Variants in BRIP1 observed in about 807,000 individuals in gnomAD.
BRIP1 encodes the protein Fanconi anemia group J protein.
BRIP1 carries 88 observed loss-of-function variants against 119.7 expected under a neutral mutation model. That is an observed-to-expected ratio of 0.74 (90% CI 0.62 to 0.88). The LOEUF is 0.88. Among genes scored for constraint, BRIP1 ranks in the 40% least tolerant of loss-of-function variants. BRIP1 has a pLI of 0.00. For missense variants in BRIP1, 1,259 were observed against 1,455.4 expected (o/e 0.87, Z 2.20); for synonymous variants, 443 against 496.5 (o/e 0.89, Z 1.43).
Position 61,701,422 on chromosome 17 carries a change from G to C in BRIP1, c.2493-7910C>G, listed in dbSNP as rs2061611826. Among the ~76,000 whole-genome samples the C allele has an allele frequency of 6.6e-6, 1 of 152,284 alleles. No individual in the cohort carries two copies. Among genetic ancestry groups the C allele is most frequent in the Middle Eastern group, 3.4e-3 (1 of 294 alleles). On this transcript the variant is annotated intron_variant, in intron 17 of 19. Transcript: ENST00000259008. The surrounding 1 kb of genome is among the most constrained non-coding windows in gnomAD (Gnocchi z 5.1). ...AGACAGAGATTTCCTTAAATGTCTA[G>C]AACCATCATGTCTCCCATTCTTTGC... is the stretch of plus-strand genomic sequence containing the variant.
chr17:61,858,583 G>A (rs1226332171), intron 3 of BRIP1, among the ~76,000 whole-genome samples: 1 of 152,086 alleles, frequency 6.6e-6, no homozygotes, highest in Admixed American at 6.5e-5. Context: ...ACGTTGGTCT[G>A]GCTGGTCTCA....
At chr17:61,812,995 C>CT (rs752528514) in intron 6 of BRIP1, among the ~76,000 whole-genome samples, 4 of 151,976 alleles carry the variant, frequency 2.6e-5, no homozygotes, top group Non-Finnish European at 4.4e-5. Context: ...AATACTATGC[C>CT]TAAATACCTG....
At chr17:61,838,590 T>G (rs1031586537) in intron 6 of BRIP1, among the ~76,000 whole-genome samples, 47 of 135,698 alleles carry the variant, frequency 3.5e-4, no homozygotes, top group Non-Finnish European at 3.1e-4. Flanking sequence ...AATAAATAAA[T>G]AAAGCATCAT....
In BRIP1 at chr17:61,684,216, A is replaced by G. The variant is rs573932475; in HGVS notation, c.2906-76T>C. On this transcript the variant is annotated intron_variant, in intron 19 of 19. Transcript: ENST00000259008. The surrounding 1 kb of genome is among the most constrained non-coding windows in gnomAD (Gnocchi z 4.5). ...AATTGCTAGGTTAAAATAATTATTT[A>G]TTAGAAATACCTAAATAACTGTATA... The G allele has an allele frequency of 6.7e-7, 1 of 1,491,730 alleles. No individual in the cohort carries two copies. Among genetic ancestry groups the G allele is most frequent in the Non-Finnish European group, 9.2e-7 (1 of 1,089,708 alleles). The allele number at this position is 1,491,730 out of a possible 1,614,324, so 92.4% of individuals were successfully genotyped here.
rs1456381042 is a variant in BRIP1 at position 61,862,400 on chromosome 17, G to T, written c.-30-831C>A. On this transcript the variant is annotated intron_variant, in intron 1 of 19. Transcript: ENST00000259008. This position sits in a 1 kb window ranked among gnomAD's most constrained non-coding sequence, Gnocchi z 5.3. Reference sequence around the variant, plus strand: ...CTCAGAGCTTGTTTCTCCATATATGGAATTGAAATACTACTACTTACCTGA... The same window carrying T: ...CTCAGAGCTTGTTTCTCCATATATGTAATTGAAATACTACTACTTACCTGA... 6.6e-6 allele frequency among the ~76,000 whole-genome samples: 1 copy of T among 152,116 alleles called. No homozygotes were observed. Among genetic ancestry groups the T allele is most frequent in the African/African-American group, 2.4e-5 (1 of 41,426 alleles).
chr17:61,732,685 A>G (rs560785428), intron 16 of BRIP1, among the ~76,000 whole-genome samples: 37 of 152,134 alleles, frequency 2.4e-4, no homozygotes, highest in African/African-American at 8.4e-4. Flanking sequence ...AAAACATTCA[A>G]TATCATTAAC....
At chr17:61,783,998 C>T (rs2077662820) in intron 11 of BRIP1, 2 of 306,642 alleles carry the variant, frequency 6.5e-6, no homozygotes, top group Non-Finnish European at 1.2e-5. Context: ...GGGAGGATTG[C>T]TTAAGCCCAG....
At chr17:61,787,427 T>TATAA (rs1567820367) in intron 10 of BRIP1, among the ~76,000 whole-genome samples, 6 of 131,678 alleles carry the variant, frequency 4.6e-5, no homozygotes, top group African/African-American at 1.7e-4. Flanking sequence ...ATAAAATATA[T>TATAA]AATATATATA....
At position 61,857,516 on chromosome 17, in the gene BRIP1, G is replaced by A. The variant is rs1221815452; in HGVS notation, c.206-285C>T. 2.0e-5 allele frequency among the ~76,000 whole-genome samples: 3 copies of A among 152,094 alleles called. No individual in the cohort carries two copies. Among genetic ancestry groups the A allele is most frequent in the Non-Finnish European group, 4.4e-5 (3 of 68,014 alleles). On this transcript the variant is annotated intron_variant, in intron 3 of 19. Coordinates refer to ENST00000259008, the MANE Select transcript of BRIP1 (RefSeq NM_032043.3). The surrounding 1 kb of genome is among the most constrained non-coding windows in gnomAD (Gnocchi z 5.1). ...AGGCAGGCACATCAATTGAAGTCAG[G>A]AGTTTGAGACCAGCCTGGCCAATAT...
chr17:61,686,317 G>A lies in BRIP1; in HGVS notation c.2576-152C>T. 1 of 719,570 alleles carries A rather than the reference G, an allele frequency of 1.4e-6. No homozygotes were observed. 44.6% of individuals were successfully genotyped at this position (719,570 alleles called of 1,614,324 possible). A position where few individuals can be genotyped will look rare whatever the true frequency, so the allele number is the denominator to read the frequency against. On this transcript the variant is annotated intron_variant, in intron 18 of 19. Coordinates refer to ENST00000259008, the MANE Select transcript of BRIP1 (RefSeq NM_032043.3). The surrounding 1 kb of genome is among the most constrained non-coding windows in gnomAD (Gnocchi z 5.4). The stretch of plus-strand genomic sequence containing the variant: ...CTCCATATGTTTTTTCTGCAATTCA[G>A]CAATTTTACTACATATGTATCAGTA...
rs183677242 is a variant in BRIP1, at chr17:61,760,387, A to T, written c.2098-15796T>A. On this transcript the variant is annotated intron_variant, in intron 14 of 19. Coordinates refer to ENST00000259008, the MANE Select transcript of BRIP1 (RefSeq NM_032043.3). The surrounding 1 kb of genome is among the most constrained non-coding windows in gnomAD (Gnocchi z 4.6). ...ATAACATTACTCCTCAAGGATCTAG[A>T]AAAAGAAGAACTAAGCCCAAAATTA... Among the ~76,000 whole-genome samples, 404 of 152,078 alleles carry T rather than the reference A, an allele frequency of 2.7e-3. 1 individual carries two copies. Among genetic ancestry groups the T allele is most frequent in the Admixed American group, 4.9e-3 (75 of 15,270 alleles).
chr17:61,850,868 A>T (rs1187548639), intron 4 of BRIP1, among the ~76,000 whole-genome samples: 1 of 152,048 alleles, frequency 6.6e-6, no homozygotes, highest in Non-Finnish European at 1.5e-5. Context: ...AAACTCAGAA[A>T]TGAACCTATG....
chr17:61,792,940 T>G (rs1380774475), intron 10 of BRIP1, among the ~76,000 whole-genome samples: 1 of 152,160 alleles, frequency 6.6e-6, no homozygotes, highest in Non-Finnish European at 1.5e-5. Flanking sequence ...TGTGTATAGG[T>G]GTGTAGCTGG....
At chr17:61,819,167 C>A in intron 6 of BRIP1, among the ~76,000 whole-genome samples, 1 of 127,456 alleles carries the variant, frequency 7.8e-6, no homozygotes, top group Admixed American at 8.2e-5. Flanking sequence ...GCCTGGGCAA[C>A]AGAGTGAGAA....
In BRIP1 at chr17:61,828,502, T is replaced by A. The variant is rs1480490690; in HGVS notation, c.627+18599A>T. Among the ~76,000 whole-genome samples, 1 of 152,112 alleles carries A rather than the reference T, an allele frequency of 6.6e-6. No homozygotes were observed. The highest frequency in any genetic ancestry group is 1.5e-5 in the Non-Finnish European group (1 of 68,022). ...GATAATAGTATATAAATATGCATAA[T>A]ACCACTGAATTTACACTTAAAAACA... is the stretch of plus-strand genomic sequence containing the variant. On this transcript the variant is annotated intron_variant, in intron 6 of 19. Transcript: ENST00000259008. This position sits in a 1 kb window ranked among gnomAD's most constrained non-coding sequence, Gnocchi z 4.1.
chr17:61,765,396 TATATATATATATATATATATATA>T (rs2077346083), intron 14 of BRIP1, among the ~76,000 whole-genome samples: 14 of 14,950 alleles, frequency 9.4e-4, no homozygotes, highest in Non-Finnish European at 1.8e-3. Flanking sequence ...TATATATATA[TATATATATATATATATATATATA>T]TATATTTTTT....
rs551172236 is a variant in BRIP1, at chr17:61,811,969, T to A, written c.628-3212A>T. On this transcript the variant is annotated intron_variant, in intron 6 of 19. Coordinates refer to ENST00000259008, the MANE Select transcript of BRIP1 (RefSeq NM_032043.3). Reference sequence around the variant, plus strand: ...TCCATCTCAAAAAATAAATAAATAATAAAAGATTTGGTACAATCATATTTG... The same window carrying A: ...TCCATCTCAAAAAATAAATAAATAAAAAAAGATTTGGTACAATCATATTTG... Among the ~76,000 whole-genome samples, 77 of 151,982 alleles carry A rather than the reference T, an allele frequency of 5.1e-4. No homozygotes were observed. In the South Asian group the frequency reaches 0.015, roughly 29 times the overall value.
At position 61,772,204 on chromosome 17, in the gene BRIP1, TATATAA is replaced by T. The variant is rs1457331992; in HGVS notation, c.2097+4191_2097+4196del. ...ATATATATATATATATATATATATATATATAAAATGAAATATTATTCTGCCATAAAA... is the reference window on the plus strand; with the variant it reads ...ATATATATATATATATATATATATATAATGAAATATTATTCTGCCATAAAA... On this transcript the variant is annotated intron_variant, in intron 14 of 19. Coordinates refer to ENST00000259008, the MANE Select transcript of BRIP1 (RefSeq NM_032043.3). Among the ~76,000 whole-genome samples the T allele has an allele frequency of 5.2e-3, 399 of 77,430 alleles. 7 individuals are homozygous for T. The highest frequency in any genetic ancestry group is 0.021 in the South Asian group (37 of 1,722). 50.8% of individuals were successfully genotyped at this position (77,430 alleles called of 152,430 possible). A position where few individuals can be genotyped will look rare whatever the true frequency, so the allele number is the denominator to read the frequency against.
In BRIP1 at chr17:61,847,117, G is replaced by A. The variant is rs776372251; in HGVS notation, c.611C>T (p.Ser204Phe). The A allele has an allele frequency of 6.2e-7, 1 of 1,613,680 alleles. No homozygotes were observed. Reference protein sequence around the residue: ...KLNSPLEKINSFSPQKPPGHC... With the variant: ...KLNSPLEKINFFSPQKPPGHC... ...AATACATACTTTCTGTGGCGAAAAG[G>A]AGTTTATCTTTTCCAGTGGAGAGTT... Residue 204 changes from serine (S) to phenylalanine (F), a missense_variant, in exon 6 of 20, where the codon TCC becomes TTC. Physicochemically the swap from Ser to Phe is radical, Grantham distance 155. Around this residue, in one of 3 missense-constraint regions of BRIP1, gnomAD observed 501 missense variants for 544.0 expected, o/e 0.92. Coordinates refer to ENST00000259008, the MANE Select transcript of BRIP1 (RefSeq NM_032043.3).
Sources: allele counts gnomAD v4.1 joint callset (sites outside exome capture counted in the v4.1 genomes callset), GRCh38; gene constraint gnomAD v4.1.1; regional missense constraint gnomAD v4.1.1; non-coding constraint Gnocchi (gnomAD v3.1); transcripts MANE v1.5; gene names NCBI Gene and HGNC (gene_info 2026-07-23, HGNC 2026-07-21).